The following DTWD1 variants were observed in gnomAD, a reference collection of about 807,000 sequenced individuals.
DTWD1 encodes DTW motif tRNA-uridine aminocarboxypropyltransferase 1.
Under a neutral mutation model 30.2 loss-of-function variants are expected in DTWD1, and 27 were observed. That is an observed-to-expected ratio of 0.90 (90% CI 0.66 to 1.23). The LOEUF (loss-of-function observed/expected upper bound fraction) is 1.23. Among genes scored for constraint, DTWD1 ranks in the 50% most tolerant of loss-of-function variants. DTWD1 has a pLI of 0.00. For synonymous variants in DTWD1, 99 were observed against 113.1 expected (o/e 0.88, Z 0.79); for missense variants, 342 against 348.8 (o/e 0.98, Z 0.15).
intron 2 of DTWD1, among the ~76,000 whole-genome samples, chr15:49,628,379 A>G (rs1052369915): frequency 2.6e-5 from 4 of 152,254 alleles, no homozygotes; most frequent in African/African-American, 9.6e-5. Flanking sequence ...TATATAAACC[A>G]GTAACAGATT....
chr15:49,624,752 C>G (rs928533465), intron 1 of DTWD1, among the ~76,000 whole-genome samples: 13 of 152,092 alleles, frequency 8.5e-5, no homozygotes, highest in African/African-American at 2.9e-4. Flanking sequence ...CCACTAGAAT[C>G]TTCTATTTTT....
In DTWD1 at chr15:49,627,943, CT is replaced by C. The variant is rs1330343435; in HGVS notation, c.264+2518del. Among the ~76,000 whole-genome samples the C allele has an allele frequency of 4.6e-5, 7 of 152,234 alleles. No individual in the cohort carries two copies. The South Asian group carries it at 1.0e-3, about 23-fold the overall frequency. On this transcript the variant is annotated intron_variant, in intron 2 of 4. Coordinates refer to ENST00000403028, the MANE Select transcript of DTWD1 (RefSeq NM_001144955.2). ...TCAATAATAAATTAGCTTACTGTGACTTTTTTACTTTATAAACTTTTTAAAA... is the reference window on the plus strand; with the variant it reads ...TCAATAATAAATTAGCTTACTGTGACTTTTTACTTTATAAACTTTTTAAAA...
At position 49,649,911 on chromosome 15, in the gene DTWD1, G is replaced by A. The variant is rs1281206510; in HGVS notation, c.*6333G>A. 1 of 152,092 alleles carries A rather than the reference G, an allele frequency of 6.6e-6. No homozygotes were observed. The highest frequency in any genetic ancestry group is 2.4e-5 in the African/African-American group (1 of 41,408). 9.4% of individuals were successfully genotyped at this position (152,092 alleles called of 1,614,324 possible). ...TAAGAAGAAAATAAAGCAGAGTAAG[G>A]AACTGATAGTGACTGGTGCAGGAAA... On this transcript the variant is annotated 3_prime_UTR_variant, in exon 5 of 5. Transcript: ENST00000403028.
In DTWD1 at chr15:49,653,821, T is replaced by C. The variant is rs1247028705; in HGVS notation, c.*10243T>C. On this transcript the variant is annotated 3_prime_UTR_variant, in exon 5 of 5. Coordinates refer to ENST00000403028, the MANE Select transcript of DTWD1 (RefSeq NM_001144955.2). ...GTGAACTAAAGAAGGAACTGTTCAA[T>C]TTGAAAGCAGAATTTAGAGGAAATT... The C allele has an allele frequency of 6.6e-6, 1 of 152,108 alleles. No homozygotes were observed. The highest frequency in any genetic ancestry group is 6.6e-5 in the Admixed American group (1 of 15,256). The allele number at this position is 152,108 out of a possible 1,614,324, so 9.4% of individuals were successfully genotyped here. A position where few individuals can be genotyped will look rare whatever the true frequency, so the allele number is the denominator to read the frequency against.
intron 2 of DTWD1, among the ~76,000 whole-genome samples, chr15:49,628,238 A>G (rs547845365): frequency 1.3e-4 from 20 of 152,290 alleles, no homozygotes; most frequent in Admixed American, 6.5e-5. Context: ...GTCATCTCCT[A>G]TGATAGCAAT....
Position 49,625,367 on chromosome 15 carries a change from TCTA to T in DTWD1, c.203_205del (p.Tyr68del), listed in dbSNP as rs1353946601. The T allele has an allele frequency of 2.5e-6, 4 of 1,613,712 alleles. No individual in the cohort carries two copies. Among genetic ancestry groups the T allele is most frequent in the Non-Finnish European group, 3.4e-6 (4 of 1,179,864 alleles). ...CTCAAATGTGGTGGTTCCAGAATGT[TCTA>T]CTGCTATACATGTTATGTTCCAGTT... is the stretch of plus-strand genomic sequence containing the variant. On this transcript the variant is annotated inframe_deletion, in exon 2 of 5. Transcript: ENST00000403028.
At chr15:49,637,467 A>G (rs8032688) in intron 4 of DTWD1, among the ~76,000 whole-genome samples, 37,893 of 152,124 alleles carry the variant, frequency 0.25, 5,669 homozygotes, top group Non-Finnish European at 0.35. Context: ...AAGATCTGGT[A>G]AATTCATTAC....
rs909351582 is a variant in DTWD1, at chr15:49,655,161, T to C, written c.*11583T>C. The C allele has an allele frequency of 7.9e-5, 12 of 152,100 alleles. No individual in the cohort carries two copies. The highest frequency in any genetic ancestry group is 5.2e-4 in the Admixed American group (8 of 15,244). The allele number at this position is 152,100 out of a possible 1,614,324, so 9.4% of individuals were successfully genotyped here. A position where few individuals can be genotyped will look rare whatever the true frequency, so the allele number is the denominator to read the frequency against. ...ACCAAGTCCTCAGACAAAGAGAACT[T>C]GAACCTTCTAACTCAGCTTAGCCAT... On this transcript the variant is annotated 3_prime_UTR_variant, in exon 5 of 5. Transcript: ENST00000403028.
chr15:49,630,870 G>T, intron 2 of DTWD1: 1 of 246,582 alleles, frequency 4.1e-6, no homozygotes. Context: ...CCTCCTGTCA[G>T]ATCAGCGGCA....
At position 49,633,049 on chromosome 15, in the gene DTWD1, C is replaced by CTATATATATATATATATATA. The variant is rs1555588610; in HGVS notation, c.408+749_408+768dup. On this transcript the variant is annotated intron_variant, in intron 3 of 4. Coordinates refer to ENST00000403028, the MANE Select transcript of DTWD1 (RefSeq NM_001144955.2). Reference sequence around the variant, plus strand: ...TTTACTTTCCTATTTATATCTATATCTATATATATATATATATATATGTAT... The same window carrying CTATATATATATATATATATA: ...TTTACTTTCCTATTTATATCTATATCTATATATATATATATATATATATATATATATATATATATATGTAT... Among the ~76,000 whole-genome samples, 210 of 117,260 alleles carry CTATATATATATATATATATA rather than the reference C, an allele frequency of 1.8e-3. 2 individuals are homozygous for CTATATATATATATATATATA. Among genetic ancestry groups the CTATATATATATATATATATA allele is most frequent in the Middle Eastern group, 4.3e-3 (1 of 230 alleles). The allele number at this position is 117,260 out of a possible 152,430, so 76.9% of individuals were successfully genotyped here. A position where few individuals can be genotyped will look rare whatever the true frequency, so the allele number is the denominator to read the frequency against.
chr15:49,638,005 C>G (rs778527699), intron 4 of DTWD1, among the ~76,000 whole-genome samples: 2 of 152,066 alleles, frequency 1.3e-5, no homozygotes, highest in Admixed American at 6.6e-5. Flanking sequence ...ATTTTGTTGC[C>G]GATGTTTGAT....
rs187117140 is a variant in DTWD1 at position 49,647,372 on chromosome 15, A to G, written c.*3794A>G. On this transcript the variant is annotated 3_prime_UTR_variant, in exon 5 of 5. Transcript: ENST00000403028. The stretch of plus-strand genomic sequence containing the variant: ...AAACAATTTTATTTTCTAGTTCTGC[A>G]TATCCTAGGTTATGTATTTCATTTC... 1.3e-5 allele frequency: 2 copies of G among 152,256 alleles called. No individual in the cohort carries two copies. Among genetic ancestry groups the G allele is most frequent in the East Asian group, 1.9e-4 (1 of 5,176 alleles). The allele number at this position is 152,256 out of a possible 1,614,324, so 9.4% of individuals were successfully genotyped here. A position where few individuals can be genotyped will look rare whatever the true frequency, so the allele number is the denominator to read the frequency against.
rs1167078584 is a variant in DTWD1, at chr15:49,648,776, T to A, written c.*5198T>A. 2 of 152,206 alleles carry A rather than the reference T, an allele frequency of 1.3e-5. No homozygotes were observed. The highest frequency in any genetic ancestry group is 1.3e-4 in the Admixed American group (2 of 15,276). The allele number at this position is 152,206 out of a possible 1,614,324, so 9.4% of individuals were successfully genotyped here. On this transcript the variant is annotated 3_prime_UTR_variant, in exon 5 of 5. Coordinates refer to ENST00000403028, the MANE Select transcript of DTWD1 (RefSeq NM_001144955.2). ...ATGTTTATACCAGCAATTAGCTGAT[T>A]GATTTACTATGACCTCACTCTTTAT... is the stretch of plus-strand genomic sequence containing the variant.
chr15:49,643,514 T>G lies in DTWD1; in HGVS notation c.851T>G (p.Met284Arg). The G allele has an allele frequency of 6.2e-7, 1 of 1,608,178 alleles. No homozygotes were observed. The highest frequency in any genetic ancestry group is 1.1e-5 in the South Asian group (1 of 89,738). ...AATCTTTTATTTTTCTATTCTTTTA[T>G]GTACCAGTTGATAAAGAATGCCAAA... ...YDNLLFFYSF[M>R]YQLIKNAKCS... is the part of the protein sequence containing the mutation. Residue 284 changes from methionine to arginine, a missense_variant, in exon 5 of 5, where the codon ATG becomes AGG. Coordinates refer to ENST00000403028, the MANE Select transcript of DTWD1 (RefSeq NM_001144955.2).
At position 49,649,939 on chromosome 15, in the gene DTWD1, G is replaced by T. The variant is rs2079143158; in HGVS notation, c.*6361G>T. The T allele has an allele frequency of 6.6e-6, 1 of 152,072 alleles. No homozygotes were observed. Among genetic ancestry groups the T allele is most frequent in the African/African-American group, 2.4e-5 (1 of 41,400 alleles). The allele number at this position is 152,072 out of a possible 1,614,324, so 9.4% of individuals were successfully genotyped here. A position where few individuals can be genotyped will look rare whatever the true frequency, so the allele number is the denominator to read the frequency against. ...CTGATAGTGACTGGTGCAGGAAAGG[G>T]GTGCCAGTTTAAATAGCATGGTCAG... On this transcript the variant is annotated 3_prime_UTR_variant, in exon 5 of 5. Coordinates refer to ENST00000403028, the MANE Select transcript of DTWD1 (RefSeq NM_001144955.2).
chr15:49,633,049 C>CTATATATATATATATATATATATATA (rs1555588610), intron 3 of DTWD1, among the ~76,000 whole-genome samples: 24 of 117,320 alleles, frequency 2.0e-4, no homozygotes, highest in South Asian at 2.7e-4. Flanking sequence ...ATATCTATAT[C>CTATATATATATATATATATATATATA]TATATATATA....
intron 4 of DTWD1, among the ~76,000 whole-genome samples, chr15:49,636,595 A>G (rs2079006297): frequency 6.6e-6 from 1 of 152,144 alleles, no homozygotes; most frequent in South Asian, 2.1e-4. Flanking sequence ...GGACAGGTCA[A>G]TTGTCTGAAT....
In DTWD1 at chr15:49,654,617, C is replaced by T. The variant is rs2153355167; in HGVS notation, c.*11039C>T. ...CCCCAGTCAATAGCACTGCCTTAGT[C>T]AGTTTGGGCTAGTATAACAGAAATA... On this transcript the variant is annotated 3_prime_UTR_variant, in exon 5 of 5. Coordinates refer to ENST00000403028, the MANE Select transcript of DTWD1 (RefSeq NM_001144955.2). 1 of 152,016 alleles carries T rather than the reference C, an allele frequency of 6.6e-6. No individual in the cohort carries two copies. The allele number at this position is 152,016 out of a possible 1,614,324, so 9.4% of individuals were successfully genotyped here. A position where few individuals can be genotyped will look rare whatever the true frequency, so the allele number is the denominator to read the frequency against.
chr15:49,628,218 G>A (rs955253120), intron 2 of DTWD1, among the ~76,000 whole-genome samples: 6 of 152,134 alleles, frequency 3.9e-5, no homozygotes, highest in African/African-American at 7.2e-5. Flanking sequence ...CAGGGGTAAT[G>A]TATGGAGCTG....
Sources: gnomAD v4.1 joint callset for allele counts (sites outside exome capture counted in the v4.1 genomes callset) on GRCh38, gnomAD v4.1.1 for gene constraint, MANE v1.5 for transcripts, NCBI Gene and HGNC (gene_info 2026-07-23, HGNC 2026-07-21) for gene names.